The following ARHGAP19 variants were observed in gnomAD, a reference collection of about 807,000 sequenced individuals.
ARHGAP19 encodes the protein rho GTPase-activating protein 19.
ARHGAP19 carries 48 observed loss-of-function variants against 60.9 expected under a neutral mutation model. The observed-to-expected ratio is 0.79, with a 90% CI of 0.62 to 1.00. The LOEUF (loss-of-function observed/expected upper bound fraction) is 1.00. ARHGAP19 is among the 50% of genes least tolerant of loss of function. ARHGAP19 has a pLI of 0.00. For synonymous variants in ARHGAP19, 209 were observed against 215.5 expected (o/e 0.97, Z 0.27); for missense variants, 562 against 597.2 (o/e 0.94, Z 0.61).
rs869291841 is a variant in ARHGAP19 at position 97,231,059 on chromosome 10, C to CAAA, written c.1285-1188_1285-1186dup. ...ACACCTAGTGAGACTCTTGTCTCAC[C>CAAA]AAAAAAAAAAAAAAAAAAAAAAAAA... On this transcript the variant is annotated intron_variant, in intron 9 of 11. Coordinates refer to ENST00000358531, the MANE Select transcript of ARHGAP19 (RefSeq NM_032900.6). 5.6e-3 allele frequency among the ~76,000 whole-genome samples: 332 copies of CAAA among 59,750 alleles called. 37 individuals are homozygous for CAAA. Among genetic ancestry groups the CAAA allele is most frequent in the African/African-American group, 0.016 (233 of 14,278 alleles). The allele number at this position is 59,750 out of a possible 152,430, so 39.2% of individuals were successfully genotyped here.
At chr10:97,290,003 A>G (rs1338771920) in intron 1 of ARHGAP19, among the ~76,000 whole-genome samples, 1 of 152,186 alleles carries the variant, frequency 6.6e-6, no homozygotes, top group Non-Finnish European at 1.5e-5. Context: ...AGGATGATCT[A>G]ATCAAATGTA....
At chr10:97,243,871 C>T in intron 8 of ARHGAP19, 97 bp downstream of exon 8, 1 of 1,274,686 alleles carries the variant, frequency 7.8e-7, no homozygotes, top group Non-Finnish European at 1.1e-6. Context: ...TCAGCTGAAC[C>T]AAAAATTAAA....
intron 6 of ARHGAP19, 100 bp downstream of exon 6, chr10:97,256,218 G>T: frequency 2.1e-6 from 2 of 955,028 alleles, no homozygotes; most frequent in Non-Finnish European, 3.3e-6. Context: ...TCCCATTCAG[G>T]ACCTTTTTCT....
In ARHGAP19 at chr10:97,253,504, G is replaced by C. The variant is rs375676159; in HGVS notation, c.927+2814C>G. Among the ~76,000 whole-genome samples, 37 of 152,260 alleles carry C rather than the reference G, an allele frequency of 2.4e-4. No individual in the cohort carries two copies. The East Asian group carries it at 6.5e-3, about 27-fold the overall frequency. On this transcript the variant is annotated intron_variant, in intron 6 of 11. Transcript: ENST00000358531. ...ATGCTGGGATAGGTGTTAGGGGTGA[G>C]AGTAAAGATCGGTTGGTCAATAGGT...
intron 6 of ARHGAP19, among the ~76,000 whole-genome samples, chr10:97,255,926 A>G (rs1017689083): frequency 6.6e-6 from 1 of 152,206 alleles, no homozygotes; most frequent in African/African-American, 2.4e-5. Flanking sequence ...TTAGAAAATT[A>G]TGTCAGCAGA....
chr10:97,234,261 C>T (rs1851086639), intron 9 of ARHGAP19, among the ~76,000 whole-genome samples: 1 of 151,684 alleles, frequency 6.6e-6, no homozygotes, highest in African/African-American at 2.4e-5. Flanking sequence ...CAGCGAGACT[C>T]TGTCTCAAAA....
At chr10:97,237,248 A>G (rs1197303350) in intron 8 of ARHGAP19, among the ~76,000 whole-genome samples, 1 of 131,426 alleles carries the variant, frequency 7.6e-6, no homozygotes, top group African/African-American at 2.8e-5. Context: ...TAGGCAACAG[A>G]GCTAGACCTT....
chr10:97,235,123 C>CA (rs1851104856), intron 9 of ARHGAP19, 94 bp downstream of exon 9: 1 of 1,273,496 alleles, frequency 7.9e-7, no homozygotes, highest in African/African-American at 1.5e-5. Context: ...ATAGGGTCCC[C>CA]AAAAAACAGA....
intron 10 of ARHGAP19, 55 bp downstream of exon 10, chr10:97,229,709 C>T (rs1850967405): frequency 3.0e-6 from 4 of 1,338,096 alleles, no homozygotes; most frequent in African/African-American, 3.0e-5. Context: ...ATCAATTTTC[C>T]TCTTTTCTAC....
intron 11 of ARHGAP19, 168 bp downstream of exon 11, chr10:97,228,979 G>T: frequency 1.4e-6 from 1 of 720,386 alleles, no homozygotes; most frequent in Non-Finnish European, 2.5e-6. Context: ...TGAGTAAATG[G>T]TTCAATAACC....
chr10:97,255,122 A>G (rs2134868837), intron 6 of ARHGAP19, among the ~76,000 whole-genome samples: 1 of 152,328 alleles, frequency 6.6e-6, no homozygotes, highest in African/African-American at 2.4e-5. Flanking sequence ...CAAGATGAAG[A>G]GTTCTGGAAA....
intron 9 of ARHGAP19, among the ~76,000 whole-genome samples, chr10:97,231,399 T>C (rs1425325450): frequency 6.6e-6 from 1 of 152,176 alleles, no homozygotes; most frequent in Non-Finnish European, 1.5e-5. Flanking sequence ...CACCATCATC[T>C]ATCTTCAGAA....
chr10:97,247,261 G>T (rs1367590623), intron 6 of ARHGAP19, among the ~76,000 whole-genome samples: 1 of 152,096 alleles, frequency 6.6e-6, no homozygotes, highest in African/African-American at 2.4e-5. Context: ...AGTGAGCCAT[G>T]TTCATACCAC....
intron 1 of ARHGAP19, among the ~76,000 whole-genome samples, chr10:97,291,138 G>C (rs11599882): frequency 2.0e-5 from 3 of 152,094 alleles, no homozygotes; most frequent in Non-Finnish European, 4.4e-5. Context: ...AGAGCACAGC[G>C]GGAGGGACAA....
chr10:97,226,134 T>C lies in ARHGAP19; in HGVS notation c.1475-2A>G, dbSNP rs755989371. Reference sequence around the variant, plus strand: ...AACTCTGGATCCTTCAGAGAAATCCTAGGTTGAAGGAAAAACAAGAGCGTT... The same window carrying C: ...AACTCTGGATCCTTCAGAGAAATCCCAGGTTGAAGGAAAAACAAGAGCGTT... On this transcript the variant is annotated splice_acceptor_variant, in intron 11 of 11. Transcript: ENST00000358531. LOFTEE classifies it high-confidence loss of function. The C allele has an allele frequency of 1.3e-5, 21 of 1,613,752 alleles. No individual in the cohort carries two copies. Among genetic ancestry groups the C allele is most frequent in the African/African-American group, 6.7e-5 (5 of 74,920 alleles).
intron 1 of ARHGAP19, 88 bp downstream of exon 1, chr10:97,292,484 C>T (rs1843250549): frequency 6.7e-7 from 1 of 1,498,470 alleles, no homozygotes. Context: ...AAAGCCCGAA[C>T]CGTGCGCCTC....
chr10:97,279,782 G>A (rs917671727), intron 1 of ARHGAP19, among the ~76,000 whole-genome samples: 2 of 151,926 alleles, frequency 1.3e-5, no homozygotes, highest in African/African-American at 2.4e-5. Flanking sequence ...AAGCCACCAC[G>A]CCCAGCCCAA....
At chr10:97,248,415 C>G (rs1270492442) in intron 6 of ARHGAP19, among the ~76,000 whole-genome samples, 2 of 137,490 alleles carry the variant, frequency 1.5e-5, no homozygotes, top group African/African-American at 5.4e-5. Flanking sequence ...ATCTCCAAAA[C>G]AAGAAAAAAA....
rs548995044 is a variant in ARHGAP19, at chr10:97,262,322, T to A, written c.613+1098A>T. ...CTGTATATTATTTGAATCATCTGAATTTTGAACTATGTGTTTCTATTCAGA... is the reference window on the plus strand; with the variant it reads ...CTGTATATTATTTGAATCATCTGAAATTTGAACTATGTGTTTCTATTCAGA... On this transcript the variant is annotated intron_variant, in intron 4 of 11. Coordinates refer to ENST00000358531, the MANE Select transcript of ARHGAP19 (RefSeq NM_032900.6). 5.3e-5 allele frequency among the ~76,000 whole-genome samples: 8 copies of A among 152,112 alleles called. No individual in the cohort carries two copies. The East Asian group carries it at 1.5e-3, about 29-fold the overall frequency.
Sources: gnomAD v4.1 joint callset for allele counts (sites outside exome capture counted in the v4.1 genomes callset) on GRCh38, gnomAD v4.1.1 for gene constraint, MANE v1.5 for transcripts, NCBI Gene and HGNC (gene_info 2026-07-23, HGNC 2026-07-21) for gene names.